FAF1: variants seen among roughly 807,000 people sequenced by gnomAD.
The protein encoded by FAF1 is Fas associated factor 1.
Under a neutral mutation model 92.5 loss-of-function variants are expected in FAF1, and 25 were observed. The ratio of observed to expected loss-of-function variants is 0.27; its 90% CI spans 0.20 to 0.38. The LOEUF (loss-of-function observed/expected upper bound fraction) is 0.38, where lower values mean the gene tolerates loss of function less well. Ranked by LOEUF, FAF1 falls within the 10% of genes least tolerant of loss-of-function variation. FAF1 has a pLI of 1.00. For missense variants in FAF1, 636 were observed against 793.3 expected (o/e 0.80, Z 2.38); for synonymous variants, 234 against 273.2 (o/e 0.86, Z 1.42).
intron 18 of FAF1, among the ~76,000 whole-genome samples, chr1:50,451,028 G>C (rs1229324924): frequency 6.6e-6 from 1 of 152,174 alleles, no homozygotes; most frequent in African/African-American, 2.4e-5. Context: ...TGGCACTGGG[G>C]TGAGGGCTTC....
chr1:50,915,334 C>T (rs551428555), intron 1 of FAF1, among the ~76,000 whole-genome samples: 6 of 149,306 alleles, frequency 4.0e-5, no homozygotes, highest in African/African-American at 7.4e-5. Flanking sequence ...CACGCCATTG[C>T]ACTCCAGCCT....
At chr1:50,715,832 T>C (rs1241226835) in intron 6 of FAF1, among the ~76,000 whole-genome samples, 1 of 152,194 alleles carries the variant, frequency 6.6e-6, no homozygotes, top group Non-Finnish European at 1.5e-5. Context: ...AGGGGAAAAT[T>C]AGGTATAGCA....
At chr1:50,746,861 C>A (rs139739501) in intron 4 of FAF1, among the ~76,000 whole-genome samples, 6 of 152,286 alleles carry the variant, frequency 3.9e-5, no homozygotes, top group Non-Finnish European at 7.4e-5. Context: ...AGGGCCTCAC[C>A]ACCCTGCACA....
At chr1:50,852,021 C>T (rs1026422119) in intron 2 of FAF1, among the ~76,000 whole-genome samples, 1 of 151,768 alleles carries the variant, frequency 6.6e-6, no homozygotes, top group Non-Finnish European at 1.5e-5. Flanking sequence ...ATAGGTTAGG[C>T]TATATAATGA....
chr1:50,662,061 C>A (rs1182481107), intron 7 of FAF1, among the ~76,000 whole-genome samples: 1 of 152,128 alleles, frequency 6.6e-6, no homozygotes, highest in Non-Finnish European at 1.5e-5. Context: ...TCCCCCAGGG[C>A]TGGCCTGTGT....
At chr1:50,466,027 G>A (rs937515045) in intron 18 of FAF1, among the ~76,000 whole-genome samples, 31 of 151,404 alleles carry the variant, frequency 2.0e-4, no homozygotes, top group African/African-American at 7.3e-4. Flanking sequence ...GAGAAGTGAC[G>A]TGATTTGCCT....
intron 6 of FAF1, among the ~76,000 whole-genome samples, chr1:50,722,895 A>G (rs975063356): frequency 6.6e-6 from 1 of 152,168 alleles, no homozygotes; most frequent in Non-Finnish European, 1.5e-5. Context: ...TACCTCTCCT[A>G]GTCAAAAATA....
At chr1:50,699,827 A>G (rs1323555347) in intron 7 of FAF1, among the ~76,000 whole-genome samples, 1 of 152,180 alleles carries the variant, frequency 6.6e-6, no homozygotes, top group East Asian at 1.9e-4. Flanking sequence ...AGACATCTAC[A>G]GTGATAACTT....
intron 17 of FAF1, among the ~76,000 whole-genome samples, chr1:50,486,544 C>T (rs768251294): frequency 1.3e-5 from 2 of 151,918 alleles, no homozygotes; most frequent in Non-Finnish European, 2.9e-5. Context: ...CACATCTCTA[C>T]GGGCGCACCG....
At chr1:50,684,783 A>C (rs12057573) in intron 7 of FAF1, among the ~76,000 whole-genome samples, 5,215 of 152,312 alleles carry the variant, frequency 0.034, 292 homozygotes, top group African/African-American at 0.12. Flanking sequence ...ATAGAACGTG[A>C]TATAGATTGG....
At chr1:50,517,851 G>A (rs1309651315) in intron 15 of FAF1, among the ~76,000 whole-genome samples, 1 of 152,058 alleles carries the variant, frequency 6.6e-6, no homozygotes, top group Non-Finnish European at 1.5e-5. Context: ...GCCTATAATG[G>A]TCACCATTAT....
intron 13 of FAF1, among the ~76,000 whole-genome samples, chr1:50,555,751 CCCA>C (rs1649544961): frequency 1.3e-5 from 2 of 152,064 alleles, no homozygotes; most frequent in Admixed American, 1.3e-4. Flanking sequence ...ATTCAGCAAT[CCCA>C]CTACTGAGTA....
At chr1:50,795,132 C>G (rs1355371414) in intron 3 of FAF1, among the ~76,000 whole-genome samples, 1 of 152,102 alleles carries the variant, frequency 6.6e-6, no homozygotes, top group Non-Finnish European at 1.5e-5. Flanking sequence ...ACATGGACTG[C>G]CCCTCACCAA....
intron 4 of FAF1, among the ~76,000 whole-genome samples, chr1:50,776,069 C>T (rs1056146469): frequency 8.5e-5 from 13 of 152,086 alleles, no homozygotes; most frequent in African/African-American, 3.1e-4. Context: ...TTGAGTCAAA[C>T]TGTGTTTATA....
intron 18 of FAF1, among the ~76,000 whole-genome samples, chr1:50,450,958 T>TA (rs1255209892): frequency 6.6e-6 from 1 of 152,362 alleles, no homozygotes; most frequent in Non-Finnish European, 1.5e-5. Flanking sequence ...CTCTATGGTT[T>TA]ATCTCAGCTT....
chr1:50,460,808 ATGTGTGTGTG>A (rs61176999), intron 18 of FAF1, among the ~76,000 whole-genome samples: 5 of 146,908 alleles, frequency 3.4e-5, no homozygotes, highest in Admixed American at 1.4e-4. Context: ...GTATTTGTAT[ATGTGTGTGTG>A]TGTGTGTGTG....
chr1:50,502,947 C>T lies in FAF1; in HGVS notation c.1495-11146G>A, dbSNP rs1385778253. 1.1e-4 allele frequency among the ~76,000 whole-genome samples: 16 copies of T among 151,974 alleles called. No individual in the cohort carries two copies. The South Asian group carries it at 1.9e-3, about 18-fold the overall frequency. ...TGATTTTTTTTTCCTGCCTCAGCCT[C>T]TGAGGAGCTTGGATTACAGGTGTGC... On this transcript the variant is annotated intron_variant, in intron 15 of 18. Transcript: ENST00000396153.
rs144892913 is a variant in FAF1 at position 50,839,923 on chromosome 1, T to C, written c.114+18006A>G. ...TACTTCAATACTATGAACAAACCCA[T>C]TCCTCAAAGCCATAGCATAATATCT... On this transcript the variant is annotated intron_variant, in intron 2 of 18. Coordinates refer to ENST00000396153, the MANE Select transcript of FAF1 (RefSeq NM_007051.3). 2.0e-3 allele frequency among the ~76,000 whole-genome samples: 304 copies of C among 152,142 alleles called. 1 individual carries two copies. The highest frequency in any genetic ancestry group is 7.0e-3 in the African/African-American group (289 of 41,550).
chr1:50,630,826 A>ATTTTTTT (rs1471050080), intron 8 of FAF1, among the ~76,000 whole-genome samples: 5 of 125,330 alleles, frequency 4.0e-5, no homozygotes, highest in African/African-American at 1.6e-4. Context: ...AGTGTATCAT[A>ATTTTTTT]TCTTTTTTTT....
Sources: allele counts gnomAD v4.1 joint callset (sites outside exome capture counted in the v4.1 genomes callset), GRCh38; gene constraint gnomAD v4.1.1; transcripts MANE v1.5; gene names NCBI Gene and HGNC (gene_info 2026-07-23, HGNC 2026-07-21).